TSPYL4: variants seen among roughly 807,000 people sequenced by gnomAD.
The protein encoded by TSPYL4 is TSPY like 4.
Under a neutral mutation model 24.2 loss-of-function variants are expected in TSPYL4, and 22 were observed. That is an observed-to-expected ratio of 0.91 (90% CI 0.65 to 1.30). The LOEUF is 1.30. Among genes scored for constraint, TSPYL4 ranks in the 50% most tolerant of loss-of-function variants. The pLI is 0.00. For synonymous variants in TSPYL4, 211 were observed against 208.2 expected (o/e 1.01, Z -0.12); for missense variants, 569 against 536.7 (o/e 1.06, Z -0.60).
rs757833490 is a variant in TSPYL4, at chr6:116,253,232, T to G, written c.777A>C (p.Arg259=). 12 of 1,613,874 alleles carry G rather than the reference T, an allele frequency of 7.4e-6. No individual in the cohort carries two copies. The Admixed American group carries it at 2.0e-4, about 27-fold the overall frequency. ...NIPGFWVTAF[R]NHPQLSPMIS... ...TCATAGGTGACAGCTGGGGGTGGTT[T>G]CGAAAGGCAGTAACCCAGAAACCTG... Residue 259 remains arginine (R), a synonymous_variant, in exon 1 of 1, where the codon CGA becomes CGC. Transcript: ENST00000420283. This position sits in a 1 kb window ranked among gnomAD's most constrained non-coding sequence, Gnocchi z 4.3.
In TSPYL4 at chr6:116,250,475, A is replaced by G. The variant is rs1327435892; in HGVS notation, c.*2289T>C. ...AAAAACAGTGACATAAGGAGCATAT[A>G]CCATTAATCTTCCACACATATAAAG... On this transcript the variant is annotated 3_prime_UTR_variant, in exon 1 of 1. Transcript: ENST00000420283. 1.3e-5 allele frequency: 2 copies of G among 152,636 alleles called. No individual in the cohort carries two copies. Among genetic ancestry groups the G allele is most frequent in the Admixed American group, 6.5e-5 (1 of 15,284 alleles). 9.5% of individuals were successfully genotyped at this position (152,636 alleles called of 1,614,324 possible).
chr6:116,252,624 A>T lies in TSPYL4; in HGVS notation c.*140T>A. 3 of 1,088,246 alleles carry T rather than the reference A, an allele frequency of 2.8e-6. No individual in the cohort carries two copies. The highest frequency in any genetic ancestry group is 3.8e-6 in the Non-Finnish European group (3 of 781,090). The allele number at this position is 1,088,246 out of a possible 1,614,324, so 67.4% of individuals were successfully genotyped here. A position where few individuals can be genotyped will look rare whatever the true frequency, so the allele number is the denominator to read the frequency against. The stretch of plus-strand genomic sequence containing the variant: ...TAAGCCAACAATCTTGCAACCGATT[A>T]CTGAAGATTTAGAACCAAAGGAAAA... On this transcript the variant is annotated 3_prime_UTR_variant, in exon 1 of 1. Transcript: ENST00000420283.
Position 116,252,638 on chromosome 6 carries a change from A to G in TSPYL4, c.*126T>C, listed in dbSNP as rs1361975131. ...TGCAACCGATTACTGAAGATTTAGA[A>G]CCAAAGGAAAAGATAATCCACAGTA... On this transcript the variant is annotated 3_prime_UTR_variant, in exon 1 of 1. Coordinates refer to ENST00000420283, the MANE Select transcript of TSPYL4 (RefSeq NM_021648.5). 12 of 1,229,218 alleles carry G rather than the reference A, an allele frequency of 9.8e-6. No individual in the cohort carries two copies. Among genetic ancestry groups the G allele is most frequent in the Non-Finnish European group, 1.3e-5 (12 of 906,740 alleles). 76.1% of individuals were successfully genotyped at this position (1,229,218 alleles called of 1,614,324 possible). A position where few individuals can be genotyped will look rare whatever the true frequency, so the allele number is the denominator to read the frequency against.
rs1317242263 is a variant in TSPYL4 at position 116,253,295 on chromosome 6, G to C, written c.714C>G (p.Leu238=). The change falls in exon 1 of 1, where the codon CTC becomes CTG. Residue 238 remains leucine (L), a synonymous_variant. Coordinates refer to ENST00000420283, the MANE Select transcript of TSPYL4 (RefSeq NM_021648.5). This position sits in a 1 kb window ranked among gnomAD's most constrained non-coding sequence, Gnocchi z 4.3. ...LERKFGRMRR[L]HMQRRSFIIQ... The stretch of plus-strand genomic sequence containing the variant: ...TAATGAAACTTCTGCGCTGCATGTG[G>C]AGCCTTCGCATGCGGCCAAACTTGC... 6.3e-7 allele frequency: 1 copy of C among 1,598,720 alleles called. No homozygotes were observed. The highest frequency in any genetic ancestry group is 8.5e-7 in the Non-Finnish European group (1 of 1,172,096).
rs1771950800 is a variant in TSPYL4, at chr6:116,251,541, G to C, written c.*1223C>G. 1 of 294,096 alleles carries C rather than the reference G, an allele frequency of 3.4e-6. No homozygotes were observed. Among genetic ancestry groups the C allele is most frequent in the Admixed American group, 5.1e-5 (1 of 19,480 alleles). 18.2% of individuals were successfully genotyped at this position (294,096 alleles called of 1,614,324 possible). A position where few individuals can be genotyped will look rare whatever the true frequency, so the allele number is the denominator to read the frequency against. On this transcript the variant is annotated 3_prime_UTR_variant, in exon 1 of 1. Coordinates refer to ENST00000420283, the MANE Select transcript of TSPYL4 (RefSeq NM_021648.5). The stretch of plus-strand genomic sequence containing the variant: ...TAACCTTTCTCTCTGAACACAATCA[G>C]GGAAAGAGCAAATTAAACAAAAAGC...
rs555367900 is a variant in TSPYL4 at position 116,253,401 on chromosome 6, C to T, written c.608G>A (p.Cys203Tyr). The T allele has an allele frequency of 5.2e-6, 8 of 1,552,032 alleles. No individual in the cohort carries two copies. The South Asian group carries it at 9.5e-5, about 18-fold the overall frequency. ...ATCGATGGCCTCCAGTGAGTCCATG[C>T]AGTTATTGATCTTCGGGGCCCTGGG... is the stretch of plus-strand genomic sequence containing the variant. ...TRPRAPKINN[C>Y]MDSLEAIDQE... Residue 203 changes from cysteine (C) to tyrosine (Y), a missense_variant, in exon 1 of 1, where the codon TGC becomes TAC. Cys to Tyr is a radical substitution (Grantham distance 194). Transcript: ENST00000420283. This position sits in a 1 kb window ranked among gnomAD's most constrained non-coding sequence, Gnocchi z 4.3.
chr6:116,253,315 A>G lies in TSPYL4; in HGVS notation c.694T>C (p.Phe232Leu), dbSNP rs1771995968. The change falls in exon 1 of 1, where the codon TTT (phenylalanine) becomes CTT (leucine). Residue 232 changes from phenylalanine to leucine, a missense_variant. Coordinates refer to ENST00000420283, the MANE Select transcript of TSPYL4 (RefSeq NM_021648.5). This position sits in a 1 kb window ranked among gnomAD's most constrained non-coding sequence, Gnocchi z 4.3. ...DRAFLQLERK[F>L]GRMRRLHMQR... Reference sequence around the variant, plus strand: ...ATGTGGAGCCTTCGCATGCGGCCAAACTTGCGCTCAAGCTGAAGGAAGGCC... The same window carrying G: ...ATGTGGAGCCTTCGCATGCGGCCAAGCTTGCGCTCAAGCTGAAGGAAGGCC... 6.3e-7 allele frequency: 1 copy of G among 1,583,012 alleles called. No homozygotes were observed. Among genetic ancestry groups the G allele is most frequent in the Middle Eastern group, 1.7e-4 (1 of 6,028 alleles).
In TSPYL4 at chr6:116,252,941, G is replaced by A; in HGVS notation, c.1068C>T (p.Asn356=). ...CTAGAAGGCTGTGGTCTGAAAACCA[G>A]TTGAAGAAACTAGGGATAGTGTTCC... is the stretch of plus-strand genomic sequence containing the variant. ...REGNTIPSFF[N]WFSDHSLLEF... The change falls in exon 1 of 1, where the codon AAC becomes AAT. Residue 356 remains asparagine, a synonymous_variant. Transcript: ENST00000420283. The A allele has an allele frequency of 6.2e-7, 1 of 1,613,694 alleles. No homozygotes were observed. Among genetic ancestry groups the A allele is most frequent in the Non-Finnish European group, 8.5e-7 (1 of 1,179,738 alleles).
At position 116,253,641 on chromosome 6, in the gene TSPYL4, C is replaced by A. The variant is rs767060189; in HGVS notation, c.368G>T (p.Arg123Leu). Residue 123 changes from arginine to leucine, a missense_variant, in exon 1 of 1, where the codon CGT (arginine) becomes CTT (leucine). Coordinates refer to ENST00000420283, the MANE Select transcript of TSPYL4 (RefSeq NM_021648.5). The surrounding 1 kb of genome is among the most constrained non-coding windows in gnomAD (Gnocchi z 4.3). ...TAGAGCCTTCTGCCCAGCAGGGCCA[C>A]GGGGCTCTCCAAGCTGACAGCCATT... ...QKNGCQLGEP[R>L]GPAGQKALEA... The A allele has an allele frequency of 3.2e-6, 5 of 1,554,224 alleles. No homozygotes were observed. In the East Asian group the frequency reaches 7.3e-5, roughly 23 times the overall value.
In TSPYL4 at chr6:116,253,731, G is replaced by C. The variant is rs1185691228; in HGVS notation, c.278C>G (p.Ala93Gly). The change falls in exon 1 of 1, where the codon GCT becomes GGT. Residue 93 changes from alanine to glycine, a missense_variant. Ala to Gly is a moderately conservative substitution (Grantham distance 60). Transcript: ENST00000420283. The surrounding 1 kb of genome is among the most constrained non-coding windows in gnomAD (Gnocchi z 4.3). ...GAATKAGQEDAPPSTKGLEAA... is the reference protein window; with the variant it reads ...GAATKAGQEDGPPSTKGLEAA... ...TTCCAGACCTTTCGTAGAAGGTGGA[G>C]CATCCTCCTGCCCGGCTTTGGTCGC... 2.5e-6 allele frequency: 4 copies of C among 1,581,018 alleles called. No individual in the cohort carries two copies. The highest frequency in any genetic ancestry group is 2.6e-6 in the Non-Finnish European group (3 of 1,162,382).
Position 116,251,094 on chromosome 6 carries a change from G to C in TSPYL4, c.*1670C>G, listed in dbSNP as rs1028881645. On this transcript the variant is annotated 3_prime_UTR_variant, in exon 1 of 1. Coordinates refer to ENST00000420283, the MANE Select transcript of TSPYL4 (RefSeq NM_021648.5). ...CAAGAAAGCCAGGCAGTAGGATGGA[G>C]ACCCAAGGGACATCAGGGCAGAAAC... 2.3e-5 allele frequency: 9 copies of C among 397,976 alleles called. No homozygotes were observed. Among genetic ancestry groups the C allele is most frequent in the African/African-American group, 1.2e-4 (6 of 48,634 alleles). The allele number at this position is 397,976 out of a possible 1,614,324, so 24.7% of individuals were successfully genotyped here.
At position 116,251,966 on chromosome 6, in the gene TSPYL4, T is replaced by A. The variant is rs1391570032; in HGVS notation, c.*798A>T. The A allele has an allele frequency of 6.6e-6, 1 of 152,306 alleles. No homozygotes were observed. The highest frequency in any genetic ancestry group is 2.4e-5 in the African/African-American group (1 of 41,418). The allele number at this position is 152,306 out of a possible 1,614,324, so 9.4% of individuals were successfully genotyped here. On this transcript the variant is annotated 3_prime_UTR_variant, in exon 1 of 1. Coordinates refer to ENST00000420283, the MANE Select transcript of TSPYL4 (RefSeq NM_021648.5). ...AGCTACGTCTACAGATAGTTCCTGA[T>A]GAGGCAGACAATGGTGGCCTAAGCA...
rs1320651162 is a variant in TSPYL4 at position 116,253,659 on chromosome 6, CA to C, written c.349del (p.Cys117ValfsTer15). The C allele has an allele frequency of 6.4e-7, 1 of 1,556,160 alleles. No homozygotes were observed. The highest frequency in any genetic ancestry group is 1.7e-4 in the Middle Eastern group (1 of 5,986). On this transcript the variant is annotated frameshift_variant, in exon 1 of 1. Transcript: ENST00000420283. LOFTEE classifies it high-confidence loss of function. The surrounding 1 kb of genome is among the most constrained non-coding windows in gnomAD (Gnocchi z 4.3). ...EAADSSQKNG[C>X]QLGEPRGPAG... ...AGGGCCACGGGGCTCTCCAAGCTGA[CA>C]GCCATTTTTCTGGCTGCTGTCAGCA...
In TSPYL4 at chr6:116,253,306, T is replaced by C. The variant is rs761212161; in HGVS notation, c.703A>G (p.Met235Val). Residue 235 changes from methionine (M) to valine (V), a missense_variant, in exon 1 of 1, where the codon ATG becomes GTG. Physicochemically the swap from Met to Val is conservative, Grantham distance 21. Transcript: ENST00000420283. This position sits in a 1 kb window ranked among gnomAD's most constrained non-coding sequence, Gnocchi z 4.3. ...CTGCGCTGCATGTGGAGCCTTCGCA[T>C]GCGGCCAAACTTGCGCTCAAGCTGA... ...FLQLERKFGRMRRLHMQRRSF... is the reference protein window; with the variant it reads ...FLQLERKFGRVRRLHMQRRSF... The C allele has an allele frequency of 5.7e-6, 9 of 1,591,234 alleles. No individual in the cohort carries two copies. Among genetic ancestry groups the C allele is most frequent in the Non-Finnish European group, 6.8e-6 (8 of 1,168,226 alleles).
At position 116,253,795 on chromosome 6, in the gene TSPYL4, C is replaced by T. The variant is rs760667007; in HGVS notation, c.214G>A (p.Ala72Thr). The change falls in exon 1 of 1, where the codon GCG becomes ACG. Residue 72 changes from alanine to threonine, a missense_variant. By Grantham distance (58) the Ala-to-Thr change is moderately conservative. Transcript: ENST00000420283. The surrounding 1 kb of genome is among the most constrained non-coding windows in gnomAD (Gnocchi z 4.3). ...CTCCCGGCAACTGGGACGCGGAGCG[C>T]GGGGCCACAGTCGACAGGATCCTGG... is the stretch of plus-strand genomic sequence containing the variant. ...ASQDPVDCGPALRVPVAGSRG... is the reference protein window; with the variant it reads ...ASQDPVDCGPTLRVPVAGSRG... The T allele has an allele frequency of 2.1e-5, 33 of 1,604,286 alleles. No individual in the cohort carries two copies. Among genetic ancestry groups the T allele is most frequent in the Non-Finnish European group, 2.6e-5 (31 of 1,175,020 alleles).
rs562004828 is a variant in TSPYL4, at chr6:116,253,692, G to A, written c.317C>T (p.Ala106Val). The change falls in exon 1 of 1, where the codon GCC becomes GTC. Residue 106 changes from alanine (A) to valine (V), a missense_variant. Ala to Val is a moderately conservative substitution (Grantham distance 64, BLOSUM62 0). Transcript: ENST00000420283. This position sits in a 1 kb window ranked among gnomAD's most constrained non-coding sequence, Gnocchi z 4.3. ...STKGLEAASA[A>V]EAADSSQKNG... ...TTTCTGGCTGCTGTCAGCAGCCTCG[G>A]CGGCAGAGGCTGCTTCCAGACCTTT... The A allele has an allele frequency of 1.2e-5, 19 of 1,559,506 alleles. No individual in the cohort carries two copies. In the African/African-American group the frequency reaches 2.4e-4, roughly 20 times the overall value.
In TSPYL4 at chr6:116,252,907, T is replaced by G; in HGVS notation, c.1102A>C (p.Arg368=). Residue 368 remains arginine, a synonymous_variant, in exon 1 of 1, where the codon AGA becomes CGA. Transcript: ENST00000420283. ...FSDHSLLEFD[R]IAEIIKGELW... is the part of the protein sequence containing the mutation. ...TCTCCTTTGATAATCTCTGCAATTC[T>G]GTCGAATTCTAGAAGGCTGTGGTCT... is the stretch of plus-strand genomic sequence containing the variant. 1.2e-6 allele frequency: 2 copies of G among 1,611,434 alleles called. No individual in the cohort carries two copies. Among genetic ancestry groups the G allele is most frequent in the South Asian group, 2.2e-5 (2 of 90,628 alleles).
In TSPYL4 at chr6:116,251,320, C is replaced by G; in HGVS notation, c.*1444G>C. On this transcript the variant is annotated 3_prime_UTR_variant, in exon 1 of 1. Transcript: ENST00000420283. ...TTCTCTCTCTTTCCAGCTTCTCAAA[C>G]TAAAAACTCAAGAAATACACAGGTT... The G allele has an allele frequency of 7.5e-6, 3 of 398,716 alleles. No individual in the cohort carries two copies. Among genetic ancestry groups the G allele is most frequent in the Non-Finnish European group, 1.3e-5 (3 of 226,158 alleles). The allele number at this position is 398,716 out of a possible 1,614,324, so 24.7% of individuals were successfully genotyped here.
In TSPYL4 at chr6:116,253,309, G is replaced by C; in HGVS notation, c.700C>G (p.Arg234Gly). The C allele has an allele frequency of 6.3e-7, 1 of 1,587,870 alleles. No individual in the cohort carries two copies. The highest frequency in any genetic ancestry group is 8.6e-7 in the Non-Finnish European group (1 of 1,166,486). The change falls in exon 1 of 1, where the codon CGC becomes GGC. Residue 234 changes from arginine (R) to glycine (G), a missense_variant. Physicochemically the swap from Arg to Gly is moderately radical, Grantham distance 125. Transcript: ENST00000420283. This position sits in a 1 kb window ranked among gnomAD's most constrained non-coding sequence, Gnocchi z 4.3. The stretch of plus-strand genomic sequence containing the variant: ...CGCTGCATGTGGAGCCTTCGCATGC[G>C]GCCAAACTTGCGCTCAAGCTGAAGG... ...AFLQLERKFG[R>G]MRRLHMQRRS...
Sources: gnomAD v4.1 joint callset for allele counts on GRCh38, gnomAD v4.1.1 for gene constraint, Gnocchi (gnomAD v3.1) non-coding constraint, MANE v1.5 for transcripts, NCBI Gene and HGNC (gene_info 2026-07-23, HGNC 2026-07-21) for gene names.